Variants in KCNMA1 observed in about 807,000 individuals in gnomAD.
KCNMA1 encodes potassium calcium-activated channel subfamily M alpha 1.
In KCNMA1, 29 loss-of-function variants were observed where a neutral mutation model predicts 140.0. The observed-to-expected ratio is 0.21, with a 90% CI of 0.15 to 0.28. KCNMA1 has a LOEUF of 0.28. Among genes scored for constraint, KCNMA1 ranks in the 10% least tolerant of loss-of-function variants. The pLI is 1.00. For missense variants in KCNMA1, 880 were observed against 1,602.2 expected, an observed-to-expected ratio of 0.55 and a Z score of 7.70; for synonymous variants, 612 against 611.9, an observed-to-expected ratio of 1.00 and a Z score of 0.00.
At chr10:77,521,923 C>CCCAGCACT (rs2053530790) in intron 1 of KCNMA1, among the ~76,000 whole-genome samples, 1 of 152,124 alleles carries the variant, frequency 6.6e-6, no homozygotes, top group Non-Finnish European at 1.5e-5. Flanking sequence ...TGCCTGTAAT[C>CCCAGCACT]CCAGCACTTT....
chr10:77,439,293 T>C (rs1046472686), intron 1 of KCNMA1, among the ~76,000 whole-genome samples: 3 of 152,224 alleles, frequency 2.0e-5, no homozygotes, highest in Non-Finnish European at 2.9e-5. Context: ...CACAAATCTA[T>C]CCAAAGATTG....
In KCNMA1 at chr10:77,079,569, A is replaced by G. The variant is rs1157653900; in HGVS notation, c.1524-19T>C. 15 of 1,533,734 alleles carry G rather than the reference A, an allele frequency of 9.8e-6. No homozygotes were observed. The highest frequency in any genetic ancestry group is 1.4e-5 in the Non-Finnish European group (15 of 1,106,584). On this transcript the variant is annotated intron_variant, in intron 12 of 27. Transcript: ENST00000286628. ...GATTACTCTGAAAAAGAAAGAACCA[A>G]TGCTGAGACAGGTCTGCCTTATGCA...
At chr10:76,923,428 CA>C (rs926235292) in intron 23 of KCNMA1, among the ~76,000 whole-genome samples, 2,354 of 89,126 alleles carry the variant, frequency 0.026, 48 homozygotes, top group African/African-American at 0.1. Context: ...GACTCCGTCT[CA>C]AAAAAAAAAA....
intron 1 of KCNMA1, among the ~76,000 whole-genome samples, chr10:77,603,155 A>G (rs551219488): frequency 3.3e-4 from 51 of 152,334 alleles, no homozygotes; most frequent in African/African-American, 1.1e-3. Flanking sequence ...AAGACAGAGC[A>G]AAAAATAGGA....
intron 2 of KCNMA1, among the ~76,000 whole-genome samples, chr10:77,254,360 T>A (rs902807677): frequency 2.6e-5 from 4 of 152,006 alleles, no homozygotes; most frequent in African/African-American, 9.7e-5. Flanking sequence ...TAGCTGGGAC[T>A]ACAGGTGCCT....
chr10:77,319,216 T>G (rs1391519624), intron 2 of KCNMA1, among the ~76,000 whole-genome samples: 1 of 152,190 alleles, frequency 6.6e-6, no homozygotes, highest in Admixed American at 6.5e-5. Context: ...ACTTTCATCC[T>G]GAAGGTTACA....
chr10:77,300,569 T>A (rs1454608996), intron 2 of KCNMA1, among the ~76,000 whole-genome samples: 1 of 152,214 alleles, frequency 6.6e-6, no homozygotes. Context: ...ACATACTTAA[T>A]AGAGTTTTCT....
At chr10:77,213,071 T>C (rs948263937) in intron 3 of KCNMA1, among the ~76,000 whole-genome samples, 2 of 152,200 alleles carry the variant, frequency 1.3e-5, no homozygotes, top group Non-Finnish European at 2.9e-5. Context: ...TTGGTGTAAT[T>C]AAATCTAATT....
chr10:77,366,992 A>G (rs1409711232), intron 2 of KCNMA1, among the ~76,000 whole-genome samples: 1 of 152,222 alleles, frequency 6.6e-6, no homozygotes. Context: ...CAAGACATAG[A>G]TCTTGTCTTT....
At chr10:77,535,788 G>A (rs1328272787) in intron 1 of KCNMA1, among the ~76,000 whole-genome samples, 2 of 152,186 alleles carry the variant, frequency 1.3e-5, no homozygotes, top group Non-Finnish European at 2.9e-5. Flanking sequence ...AATAAGCCAG[G>A]CACAGAAAGA....
chr10:77,143,422 A>T (rs2098224576), intron 5 of KCNMA1, among the ~76,000 whole-genome samples: 1 of 152,194 alleles, frequency 6.6e-6, no homozygotes, highest in African/African-American at 2.4e-5. Flanking sequence ...AATGAAACAG[A>T]GTCCAGAAAT....
At chr10:77,514,539 C>T (rs903034801) in intron 1 of KCNMA1, among the ~76,000 whole-genome samples, 2 of 152,210 alleles carry the variant, frequency 1.3e-5, no homozygotes, top group Non-Finnish European at 2.9e-5. Flanking sequence ...CAACTCCCAG[C>T]TGGCCCCCAG....
chr10:77,517,050 C>A (rs1053668824), intron 1 of KCNMA1, among the ~76,000 whole-genome samples: 1 of 151,220 alleles, frequency 6.6e-6, no homozygotes, highest in Non-Finnish European at 1.5e-5. Flanking sequence ...CATGTGCATG[C>A]ATGTGAACAT....
downstream of KCNMA1, chr10:76,877,715 A>C (rs920815031): frequency 4.0e-5 from 62 of 1,548,232 alleles, no homozygotes; most frequent in Non-Finnish European, 5.2e-5. Context: ...AGGCTTTAAA[A>C]AAATAGTTCT....
intron 2 of KCNMA1, among the ~76,000 whole-genome samples, chr10:77,256,837 TC>T: frequency 6.6e-6 from 1 of 152,090 alleles, no homozygotes; most frequent in Non-Finnish European, 1.5e-5. Flanking sequence ...TATAATAAAA[TC>T]CACTATATTA....
At chr10:77,037,961 C>T (rs1333435278) in intron 15 of KCNMA1, among the ~76,000 whole-genome samples, 2 of 152,140 alleles carry the variant, frequency 1.3e-5, no homozygotes, top group Non-Finnish European at 2.9e-5. Flanking sequence ...AAGAAAGGCA[C>T]ACATGGGAGT....
chr10:77,105,182 G>A (rs1303181274), intron 9 of KCNMA1, among the ~76,000 whole-genome samples: 1 of 152,188 alleles, frequency 6.6e-6, no homozygotes, highest in East Asian at 1.9e-4. Context: ...ACCTACTGCA[G>A]GGACTGGGTA....
At chr10:77,120,935 G>T in intron 6 of KCNMA1, 38 bp downstream of exon 6, 1 of 1,166,806 alleles carries the variant, frequency 8.6e-7, no homozygotes, top group South Asian at 1.2e-5. Flanking sequence ...TTGGCATAGG[G>T]GACTGGAATG....
chr10:77,063,131 C>T (rs1347437374), intron 14 of KCNMA1, among the ~76,000 whole-genome samples: 1 of 152,156 alleles, frequency 6.6e-6, no homozygotes, highest in East Asian at 1.9e-4. Flanking sequence ...ATGTATATCT[C>T]AGCCAGGCAC....
Sources: gnomAD v4.1 joint callset for allele counts (sites outside exome capture counted in the v4.1 genomes callset) on GRCh38, gnomAD v4.1.1 for gene constraint, MANE v1.5 for transcripts, NCBI Gene and HGNC (gene_info 2026-07-23, HGNC 2026-07-21) for gene names.